Variants in NCAPH2 observed in about 807,000 individuals in gnomAD.
NCAPH2 encodes the protein non-SMC condensin II complex subunit H2, also known as condensin-2 complex subunit H2.
NCAPH2 carries 56 observed loss-of-function variants against 88.6 expected under a neutral mutation model. The observed-to-expected ratio is 0.63, with a 90% CI of 0.51 to 0.79. NCAPH2 has a LOEUF of 0.79. Among genes scored for constraint, NCAPH2 ranks in the 30% least tolerant of loss-of-function variants. The pLI is 0.00. For missense variants in NCAPH2, 794 were observed against 792.0 expected (o/e 1.00, Z -0.03); for synonymous variants, 378 against 313.6 (o/e 1.21, Z -2.17).
intron 1 of NCAPH2, among the ~76,000 whole-genome samples, chr22:50,510,620 T>C (rs1034801302): frequency 6.6e-6 from 1 of 151,760 alleles, no homozygotes; most frequent in Non-Finnish European, 1.5e-5. Flanking sequence ...TAGAGATGGG[T>C]TTCGCCACAT....
intron 2 of NCAPH2, among the ~76,000 whole-genome samples, 158 bp from the exon 3 acceptor site, chr22:50,517,269 G>A (rs2068950689): frequency 1.3e-5 from 2 of 152,246 alleles, no homozygotes; most frequent in African/African-American, 4.8e-5. Context: ...TTCCTGGTTT[G>A]ATTTGAGAAT....
At chr22:50,509,289 C>A (rs61224378) in intron 1 of NCAPH2, among the ~76,000 whole-genome samples, 1 of 152,286 alleles carries the variant, frequency 6.6e-6, no homozygotes. Context: ...CTAGATCTTT[C>A]CTCCAAATCT....
intron 10 of NCAPH2, 115 bp downstream of exon 10, chr22:50,521,151 C>T (rs2148666027): frequency 1.6e-6 from 2 of 1,218,226 alleles, no homozygotes; most frequent in Non-Finnish European, 2.3e-6. Flanking sequence ...AGCCTGTGGC[C>T]CTTTGCACTT....
At chr22:50,520,910 C>T (rs934605702) in intron 9 of NCAPH2, 55 bp from the exon 10 acceptor site, 59 of 1,543,252 alleles carry the variant, frequency 3.8e-5, no homozygotes, top group Admixed American at 2.4e-4. Flanking sequence ...CTGGGGTACC[C>T]AGAGCCTTGA....
In NCAPH2 at chr22:50,519,215, C is replaced by A. The variant is rs1233045917; in HGVS notation, c.756C>A (p.Pro252=). Residue 252 remains proline (P), a synonymous_variant, in exon 9 of 20, where the codon CCC becomes CCA. Coordinates refer to ENST00000420993, the MANE Select transcript of NCAPH2 (RefSeq NM_152299.4). Reference sequence around the variant, plus strand: ...GCCCCTCTCCAGAAGGCCCGATGCCCCTGGGTGGGGGCGAGGACGAGGATG... The same window carrying A: ...GCCCCTCTCCAGAAGGCCCGATGCCACTGGGTGGGGGCGAGGACGAGGATG... ...EPGPSPEGPM[P]LGGGEDEDAE... 1 of 1,610,918 alleles carries A rather than the reference C, an allele frequency of 6.2e-7. No individual in the cohort carries two copies. Among genetic ancestry groups the A allele is most frequent in the Middle Eastern group, 1.7e-4 (1 of 5,936 alleles).
intron 1 of NCAPH2, among the ~76,000 whole-genome samples, chr22:50,508,898 T>G (rs1322997521): frequency 6.6e-6 from 1 of 152,216 alleles, no homozygotes; most frequent in African/African-American, 2.4e-5. Context: ...CTTCCATGTT[T>G]GACAGCCCTG....
intron 1 of NCAPH2, among the ~76,000 whole-genome samples, chr22:50,510,847 T>A (rs906624438): frequency 3.3e-5 from 5 of 151,674 alleles, no homozygotes; most frequent in African/African-American, 4.8e-5. Context: ...ATAAACCATT[T>A]AAATTTTTTT....
At chr22:50,517,705 C>G in intron 4 of NCAPH2, 36 bp from the exon 5 acceptor site, 1 of 1,614,084 alleles carries the variant, frequency 6.2e-7, no homozygotes, top group Non-Finnish European at 8.5e-7. Context: ...GTGTGTTTGC[C>G]TGGGCTCCGC....
rs2068996499 is a variant in NCAPH2, at chr22:50,518,650, C to T, written c.648C>T (p.Asp216=). The change falls in exon 8 of 20, where the codon GAC becomes GAT. Residue 216 remains aspartate, a splice_region_variant and synonymous_variant. Transcript: ENST00000420993. ...TTGTCTGATCCCTGTCTCTCCCAGA[C>T]ACCGGGAGGACTGAGGAGCAGCCAA... is the stretch of plus-strand genomic sequence containing the variant. The part of the protein sequence containing the change: ...GVSPMPGTQK[D]TGRTEEQPME... The T allele has an allele frequency of 1.2e-6, 2 of 1,605,544 alleles. No homozygotes were observed. Among genetic ancestry groups the T allele is most frequent in the Admixed American group, 1.7e-5 (1 of 59,162 alleles).
chr22:50,523,949 G>C lies in NCAPH2; in HGVS notation c.*574G>C, dbSNP rs777864630. 3.1e-6 allele frequency: 5 copies of C among 1,612,370 alleles called. No individual in the cohort carries two copies. The highest frequency in any genetic ancestry group is 4.2e-6 in the Non-Finnish European group (5 of 1,179,004). On this transcript the variant is annotated 3_prime_UTR_variant, in exon 20 of 20. Transcript: ENST00000420993. ...ACAGGCTGCACTGGAGGCAAACCAG[G>C]CTCTGCTTCCAGCTGCCGCACCACC...
In NCAPH2 at chr22:50,521,939, T is replaced by C. The variant is rs553121925; in HGVS notation, c.1109-47T>C. 6 of 1,613,762 alleles carry C rather than the reference T, an allele frequency of 3.7e-6. No homozygotes were observed. In the African/African-American group the frequency reaches 5.3e-5, roughly 14 times the overall value. On this transcript the variant is annotated intron_variant, in intron 12 of 19. Transcript: ENST00000420993. ...AGGATCAGCACCCTTTTCCCAATGCTGTGGGCAGCTCTTGGCCTGGCTGGT... is the reference window on the plus strand; with the variant it reads ...AGGATCAGCACCCTTTTCCCAATGCCGTGGGCAGCTCTTGGCCTGGCTGGT...
At chr22:50,522,644 G>A in intron 16 of NCAPH2, 27 bp from the exon 17 acceptor site, 2 of 1,613,654 alleles carry the variant, frequency 1.2e-6, no homozygotes, top group Non-Finnish European at 8.5e-7. Flanking sequence ...CCCCTTAGCT[G>A]CCCAGCTCAC....
At chr22:50,516,409 G>A (rs773397052) in intron 1 of NCAPH2, 38 bp from the exon 2 acceptor site, 4 of 1,601,402 alleles carry the variant, frequency 2.5e-6, no homozygotes, top group Non-Finnish European at 2.6e-6. Flanking sequence ...TGCAGACTGG[G>A]CCTTGGATTC....
At chr22:50,513,694 A>G (rs1360756990) in intron 1 of NCAPH2, among the ~76,000 whole-genome samples, 9 of 152,184 alleles carry the variant, frequency 5.9e-5, no homozygotes, top group Non-Finnish European at 2.9e-5. Flanking sequence ...CCTGGGAGGC[A>G]GGGGTTGCAG....
chr22:50,523,689 G>A lies in NCAPH2; in HGVS notation c.*314G>A, dbSNP rs375345044. The A allele has an allele frequency of 2.2e-5, 35 of 1,614,030 alleles. No individual in the cohort carries two copies. In the East Asian group the frequency reaches 2.9e-4, roughly 13 times the overall value. On this transcript the variant is annotated 3_prime_UTR_variant, in exon 20 of 20. Transcript: ENST00000420993. ...TCTGCTCAGCCGATCTGCTCCGGCC[G>A]TAGTAATCCGTGAAGAGGCCGTCAG...
At chr22:50,521,497 T>C (rs776770672) in intron 10 of NCAPH2, 46 bp from the exon 11 acceptor site, 2 of 1,597,258 alleles carry the variant, frequency 1.3e-6, no homozygotes, top group Non-Finnish European at 1.7e-6. Flanking sequence ...GAGGGACGGC[T>C]GTGCACCCCC....
rs146155319 is a variant in NCAPH2 at position 50,522,005 on chromosome 22, C to A, written c.1128C>A (p.Ser376Arg). Residue 376 changes from serine (S) to arginine (R), a missense_variant, in exon 13 of 20, where the codon AGC (serine) becomes AGA (arginine). Transcript: ENST00000420993. Reference protein sequence around the residue: ...YLAAYADHADSRRLRRKGPSF... With the variant: ...YLAAYADHADRRRLRRKGPSF... The stretch of plus-strand genomic sequence containing the variant: ...TCACAGATGCAGACCATGCCGACAG[C>A]AGGCGGCTTCGGCGAAAGGGTCCGT... 2 of 1,613,914 alleles carry A rather than the reference C, an allele frequency of 1.2e-6. No homozygotes were observed. Among genetic ancestry groups the A allele is most frequent in the Non-Finnish European group, 1.7e-6 (2 of 1,179,978 alleles).
Position 50,518,066 on chromosome 22 carries a change from C to A in NCAPH2, c.500+14C>A. On this transcript the variant is annotated intron_variant, in intron 6 of 19. Coordinates refer to ENST00000420993, the MANE Select transcript of NCAPH2 (RefSeq NM_152299.4). ...TCCCCTGTACAGGTAGGGATCTGAG[C>A]CCAGCGACGGGGAGGGAGGCCTGCC... The A allele has an allele frequency of 6.2e-7, 1 of 1,613,660 alleles. No homozygotes were observed. Among genetic ancestry groups the A allele is most frequent in the African/African-American group, 1.3e-5 (1 of 75,052 alleles).
Position 50,516,360 on chromosome 22 carries a change from G to T in NCAPH2, c.109-87G>T, listed in dbSNP as rs943216934. ...TGCCCGTCTCGGGAGGTGCTGGGCA[G>T]AGACCAAAGATGGGTGGGGCTGCCC... On this transcript the variant is annotated intron_variant, in intron 1 of 19. Transcript: ENST00000420993. 1.7e-5 allele frequency: 21 copies of T among 1,266,188 alleles called. No individual in the cohort carries two copies. The African/African-American group carries it at 2.8e-4, about 17-fold the overall frequency. The allele number at this position is 1,266,188 out of a possible 1,614,324, so 78.4% of individuals were successfully genotyped here.
Sources: allele counts gnomAD v4.1 joint callset (sites outside exome capture counted in the v4.1 genomes callset), GRCh38; gene constraint gnomAD v4.1.1; transcripts MANE v1.5; gene names NCBI Gene and HGNC (gene_info 2026-07-23, HGNC 2026-07-21).